Variants in ATP6V1A observed in about 807,000 individuals in gnomAD.
ATP6V1A encodes ATPase H+ transporting V1 subunit A.
A neutral mutation model predicts 70.1 loss-of-function variants in ATP6V1A; 18 were observed. The ratio of observed to expected loss-of-function variants is 0.26; its 90% confidence interval spans 0.18 to 0.38. The LOEUF (loss-of-function observed/expected upper bound fraction) is 0.38. ATP6V1A is among the 10% of genes least tolerant of loss of function. ATP6V1A has a pLI of 1.00. For missense variants in ATP6V1A, 424 were observed against 772.4 expected (o/e 0.55, Z 5.35); for synonymous variants, 232 against 253.8 (o/e 0.91, Z 0.82).
intron 1 of ATP6V1A, among the ~76,000 whole-genome samples, chr3:113,763,269 A>G (rs184759136): frequency 1.3e-5 from 2 of 152,128 alleles, no homozygotes; most frequent in East Asian, 3.9e-4. Flanking sequence ...TTGTATTTTT[A>G]GTAGAGACGG....
At chr3:113,796,559 A>T (rs1416825197) in intron 11 of ATP6V1A, among the ~76,000 whole-genome samples, 1 of 152,224 alleles carries the variant, frequency 6.6e-6, no homozygotes, top group Admixed American at 6.5e-5. Flanking sequence ...CTTTCCAGTG[A>T]CAAGACATGA....
chr3:113,793,184 C>T (rs746045619), intron 8 of ATP6V1A, among the ~76,000 whole-genome samples: 3 of 152,028 alleles, frequency 2.0e-5, no homozygotes, highest in Non-Finnish European at 4.4e-5. Context: ...CTCAGCCTCC[C>T]GAGTAGCTGG....
intron 1 of ATP6V1A, among the ~76,000 whole-genome samples, chr3:113,750,463 C>CA (rs1376335762): frequency 1.3e-5 from 2 of 152,066 alleles, no homozygotes; most frequent in African/African-American, 4.8e-5. Context: ...GCCTGGGCAA[C>CA]AGAGTGAGAC....
At chr3:113,747,804 G>T (rs1177703743) in intron 1 of ATP6V1A, among the ~76,000 whole-genome samples, 1 of 152,180 alleles carries the variant, frequency 6.6e-6, no homozygotes, top group African/African-American at 2.4e-5. Flanking sequence ...CGACAGTCTC[G>T]ATTGAATGAG....
chr3:113,805,588 TAGAC>T, intron 14 of ATP6V1A, 63 bp downstream of exon 14: 1 of 1,464,230 alleles, frequency 6.8e-7, no homozygotes. Flanking sequence ...CTTTTTTTTT[TAGAC>T]AGAGTCTCAC....
intron 1 of ATP6V1A, among the ~76,000 whole-genome samples, chr3:113,769,565 C>T (rs905828567): frequency 6.6e-6 from 1 of 152,230 alleles, no homozygotes; most frequent in African/African-American, 2.4e-5. Flanking sequence ...TTGCCCCCAA[C>T]AGCCATATCA....
Position 113,778,321 on chromosome 3 carries a change from G to A in ATP6V1A, c.-13-420G>A, listed in dbSNP as rs898677608. 3.9e-5 allele frequency among the ~76,000 whole-genome samples: 6 copies of A among 152,304 alleles called. No individual in the cohort carries two copies. The South Asian group carries it at 1.2e-3, about 32-fold the overall frequency. ...AGGCACAGGAATTGCTTGAACTCGG[G>A]AGGCAGAGGTTGCAGTGAGCAGAGA... is the stretch of plus-strand genomic sequence containing the variant. On this transcript the variant is annotated intron_variant, in intron 1 of 14. Coordinates refer to ENST00000273398, the MANE Select transcript of ATP6V1A (RefSeq NM_001690.4).
intron 12 of ATP6V1A, among the ~76,000 whole-genome samples, chr3:113,802,986 A>G (rs1709232428): frequency 6.6e-6 from 1 of 152,158 alleles, no homozygotes; most frequent in Non-Finnish European, 1.5e-5. Context: ...AGCACTGTTC[A>G]CAATAGCCAG....
intron 3 of ATP6V1A, among the ~76,000 whole-genome samples, chr3:113,782,463 A>G (rs1708985879): frequency 6.6e-6 from 1 of 150,796 alleles, no homozygotes. Context: ...TTTATTTTAT[A>G]TCCTTCTAGT....
At chr3:113,765,072 A>G (rs1328132776) in intron 1 of ATP6V1A, among the ~76,000 whole-genome samples, 1 of 152,014 alleles carries the variant, frequency 6.6e-6, no homozygotes, top group Non-Finnish European at 1.5e-5. Flanking sequence ...TGAACTTAAA[A>G]TAATTGACCA....
chr3:113,780,849 T>C, intron 2 of ATP6V1A: 2 of 1,346,890 alleles, frequency 1.5e-6, no homozygotes, highest in Non-Finnish European at 2.0e-6. Context: ...AAATAAATAA[T>C]CTTTGGCTTA....
intron 6 of ATP6V1A, among the ~76,000 whole-genome samples, chr3:113,787,386 A>G (rs1245886694): frequency 1.3e-5 from 2 of 152,218 alleles, no homozygotes; most frequent in African/African-American, 4.8e-5. Flanking sequence ...TAGATTTAAA[A>G]TTATTAAATA....
rs939243336 is a variant in ATP6V1A, at chr3:113,788,908, A to G, written c.879+33A>G. 3 of 1,576,408 alleles carry G rather than the reference A, an allele frequency of 1.9e-6. No individual in the cohort carries two copies. The African/African-American group carries it at 4.1e-5, about 21-fold the overall frequency. On this transcript the variant is annotated intron_variant, in intron 7 of 14. Coordinates refer to ENST00000273398, the MANE Select transcript of ATP6V1A (RefSeq NM_001690.4). ...TAAAGCTTCAAATAATATCCTAGAG[A>G]AAATACCACTCATCAGTGTTCATTG...
intron 1 of ATP6V1A, among the ~76,000 whole-genome samples, chr3:113,754,190 A>G (rs1708621820): frequency 6.6e-6 from 1 of 152,168 alleles, no homozygotes; most frequent in South Asian, 2.1e-4. Context: ...TTTACATTAT[A>G]TGTTTTTATT....
At chr3:113,807,872 G>A (rs986691346) in intron 14 of ATP6V1A, among the ~76,000 whole-genome samples, 3 of 151,998 alleles carry the variant, frequency 2.0e-5, no homozygotes, top group Admixed American at 6.6e-5. Context: ...ATTGGCTCAC[G>A]TCTGTAATCC....
chr3:113,781,151 G>A lies in ATP6V1A; in HGVS notation c.184G>A (p.Ala62Thr). The change falls in exon 3 of 15, where the codon GCT becomes ACT. Residue 62 changes from alanine (A) to threonine (T), a missense_variant. Ala to Thr is a moderately conservative substitution (Grantham distance 58, BLOSUM62 0). Coordinates refer to ENST00000273398, the MANE Select transcript of ATP6V1A (RefSeq NM_001690.4). ...GEIIRLEGDM[A>T]TIQVYEETSG... is the part of the protein sequence containing the mutation. The stretch of plus-strand genomic sequence containing the variant: ...GATTATTCGATTGGAGGGTGACATG[G>A]CTACTATTCAGGTGTATGAAGAAAC... 6.2e-7 allele frequency: 1 copy of A among 1,613,396 alleles called. No homozygotes were observed. The highest frequency in any genetic ancestry group is 8.5e-7 in the Non-Finnish European group (1 of 1,179,590).
At chr3:113,785,256 A>G (rs912730604) in intron 5 of ATP6V1A, among the ~76,000 whole-genome samples, 1 of 152,204 alleles carries the variant, frequency 6.6e-6, no homozygotes, top group African/African-American at 2.4e-5. Context: ...CCTGACCAAC[A>G]TGGTGAAACC....
At chr3:113,749,116 A>C (rs1708556473) in intron 1 of ATP6V1A, among the ~76,000 whole-genome samples, 1 of 152,214 alleles carries the variant, frequency 6.6e-6, no homozygotes, top group Non-Finnish European at 1.5e-5. Flanking sequence ...ATGAGTCTGC[A>C]GTTTTACTTC....
intron 1 of ATP6V1A, among the ~76,000 whole-genome samples, chr3:113,769,485 C>T (rs934795135): frequency 2.6e-5 from 4 of 151,964 alleles, no homozygotes; most frequent in Admixed American, 2.6e-4. Context: ...ATGAAGTGCC[C>T]CAGGATTTTG....
Sources: allele counts gnomAD v4.1 joint callset (sites outside exome capture counted in the v4.1 genomes callset), GRCh38; gene constraint gnomAD v4.1.1; transcripts MANE v1.5; gene names NCBI Gene and HGNC (gene_info 2026-07-23, HGNC 2026-07-21).